The following JAKMIP3 variants were observed in gnomAD, a reference collection of about 807,000 sequenced individuals.
The protein encoded by JAKMIP3 is Janus kinase and microtubule interacting protein 3, also known as janus kinase and microtubule-interacting protein 3.
Under a neutral mutation model 118.5 loss-of-function variants are expected in JAKMIP3, and 58 were observed. The ratio of observed to expected loss-of-function variants is 0.49; its 90% confidence interval spans 0.40 to 0.61. The LOEUF (loss-of-function observed/expected upper bound fraction) is 0.61, where lower values mean the gene tolerates loss of function less well. Ranked by LOEUF, JAKMIP3 falls within the 20% of genes least tolerant of loss-of-function variation. The probability of loss-of-function intolerance (pLI) is 0.00; values close to 1 mark genes in which losing one functional copy is unlikely to be tolerated. For synonymous variants in JAKMIP3, 486 were observed against 451.2 expected (o/e 1.08, Z -0.98); for missense variants, 950 against 1,109.0 (o/e 0.86, Z 2.04).
chr10:132,102,419 C>T (rs1326530713), intron 1 of JAKMIP3, among the ~76,000 whole-genome samples: 1 of 152,158 alleles, frequency 6.6e-6, no homozygotes, highest in Non-Finnish European at 1.5e-5. Flanking sequence ...CCCTCTGTAC[C>T]CCATGACAGC....
At chr10:132,153,134 G>T (rs2056524546) in intron 17 of JAKMIP3, 111 bp downstream of exon 17, 1 of 834,692 alleles carries the variant, frequency 1.2e-6, no homozygotes, top group Admixed American at 2.1e-5. Context: ...GCCGGGTTTG[G>T]GGGGTCCACT....
chr10:132,105,956 C>T (rs1393713522), intron 2 of JAKMIP3, among the ~76,000 whole-genome samples: 1 of 151,562 alleles, frequency 6.6e-6, no homozygotes, highest in Non-Finnish European at 1.5e-5. Context: ...ACTTATTGAC[C>T]CTCCTGTGAT....
intron 23 of JAKMIP3, among the ~76,000 whole-genome samples, chr10:132,171,952 C>T (rs1404545870): frequency 6.6e-6 from 1 of 152,144 alleles, no homozygotes; most frequent in Non-Finnish European, 1.5e-5. Flanking sequence ...CTGCGCCCGG[C>T]CTGTCCCTGT....
chr10:132,149,932 C>A, intron 15 of JAKMIP3, 50 bp from the exon 16 acceptor site: 1 of 790,172 alleles, frequency 1.3e-6, no homozygotes, highest in Non-Finnish European at 1.8e-6. Context: ...TTCCCCACCC[C>A]CTCTGCCCAC....
chr10:132,180,540 TGTGTGCGTGCGTGCATGC>T (rs1220812249), intron 23 of JAKMIP3, among the ~76,000 whole-genome samples: 2 of 32,694 alleles, frequency 6.1e-5, no homozygotes, highest in African/African-American at 3.3e-4. Flanking sequence ...TGTGTGTGTG[TGTGTGCGTGCGTGCATGC>T]GTGTGTGTGC....
chr10:132,182,874 T>A lies in JAKMIP3; in HGVS notation c.*1621T>A, dbSNP rs144230968. The A allele has an allele frequency of 3.3e-5, 5 of 152,320 alleles. No individual in the cohort carries two copies. The highest frequency in any genetic ancestry group is 9.6e-5 in the African/African-American group (4 of 41,560). The allele number at this position is 152,320 out of a possible 1,614,324, so 9.4% of individuals were successfully genotyped here. On this transcript the variant is annotated 3_prime_UTR_variant, in exon 24 of 24. Transcript: ENST00000684848. ...AAAAGCTAATAGTATCAGACAGATA[T>A]GCTTTTTCTTTGGTGGCTGCAGGAT...
In JAKMIP3 at chr10:132,044,648, G is replaced by A. The variant is rs978405247; in HGVS notation, c.-138+7910G>A. On this transcript the variant is annotated intron_variant, in intron 1 of 23. Coordinates refer to the JAKMIP3 transcript ENST00000657785. This position sits in a 1 kb window ranked among gnomAD's most constrained non-coding sequence, Gnocchi z 5.3. Reference sequence around the variant, plus strand: ...GCAGCAGGACGCCACCACATGCTGCGCTCAGGATGGAGGTTTTGTTTTAAA... The same window carrying A: ...GCAGCAGGACGCCACCACATGCTGCACTCAGGATGGAGGTTTTGTTTTAAA... 2.6e-5 allele frequency among the ~76,000 whole-genome samples: 4 copies of A among 152,060 alleles called. No individual in the cohort carries two copies. The highest frequency in any genetic ancestry group is 6.6e-5 in the Admixed American group (1 of 15,240).
intron 3 of JAKMIP3, among the ~76,000 whole-genome samples, chr10:132,127,573 C>T (rs748607044): frequency 1.3e-5 from 2 of 152,102 alleles, no homozygotes; most frequent in African/African-American, 2.4e-5. Context: ...GACTTTTCAT[C>T]GGAGCTTCTT....
intron 16 of JAKMIP3, among the ~76,000 whole-genome samples, 183 bp from the exon 17 acceptor site, chr10:132,152,775 G>C (rs149931975): frequency 4.0e-4 from 61 of 152,302 alleles, no homozygotes; most frequent in African/African-American, 1.4e-3. Flanking sequence ...GAGGGAACAA[G>C]CTCAAGTCAA....
At chr10:132,074,884 C>A (rs2040531298) in intron 1 of JAKMIP3, among the ~76,000 whole-genome samples, 1 of 152,124 alleles carries the variant, frequency 6.6e-6, no homozygotes, top group South Asian at 2.1e-4. Context: ...CAGTTTCATT[C>A]TTCTGAATTA....
At chr10:132,064,841 C>T (rs11146142), upstream of JAKMIP3, among the ~76,000 whole-genome samples, 85,096 of 151,950 alleles carry the variant, frequency 0.56, 24,570 homozygotes, top group East Asian at 0.69. The surrounding 1 kb of genome is among the most constrained non-coding windows in gnomAD (Gnocchi z 4.4). Flanking sequence ...ATGTTATCAT[C>T]GGCGTTCACT....
Position 132,127,392 on chromosome 10 carries a change from TTGTGTGTGTG to T in JAKMIP3, c.634-5903_634-5894del, listed in dbSNP as rs145559558. On this transcript the variant is annotated intron_variant, in intron 3 of 23. Coordinates refer to ENST00000684848, the MANE Select transcript of JAKMIP3 (RefSeq NM_001323087.2). ...TGTGCGCCACCATGCCTGGCTAATTTTGTGTGTGTGTGTGTGTGTGTGTGTGCGTGTGTGT... is the reference window on the plus strand; with the variant it reads ...TGTGCGCCACCATGCCTGGCTAATTTTGTGTGTGTGTGTGTGCGTGTGTGT... Among the ~76,000 whole-genome samples the T allele has an allele frequency of 1.4e-3, 208 of 146,970 alleles. 1 individual carries two copies. The highest frequency in any genetic ancestry group is 2.5e-3 in the Non-Finnish European group (164 of 66,740).
intron 6 of JAKMIP3, 44 bp from the exon 7 acceptor site, chr10:132,136,975 C>A: frequency 1.3e-6 from 2 of 1,597,840 alleles, no homozygotes; most frequent in Non-Finnish European, 1.7e-6. Flanking sequence ...TCAGCCAGAC[C>A]CCTTCACTCC....
At position 132,137,711 on chromosome 10, in the gene JAKMIP3, T is replaced by G. The variant is rs1297570253; in HGVS notation, c.1285-408T>G. 2.0e-5 allele frequency among the ~76,000 whole-genome samples: 3 copies of G among 152,164 alleles called. No homozygotes were observed. The East Asian group carries it at 5.8e-4, about 29-fold the overall frequency. Reference sequence around the variant, plus strand: ...CCCGGAGAGCAGCAGGACCCTGGTCTCCTTAGTATTTTAAGGGCGCCAGTC... The same window carrying G: ...CCCGGAGAGCAGCAGGACCCTGGTCGCCTTAGTATTTTAAGGGCGCCAGTC... On this transcript the variant is annotated intron_variant, in intron 8 of 23. Transcript: ENST00000684848.
At position 132,184,292 on chromosome 10, in the gene JAKMIP3, GAGT is replaced by G. The variant is rs2061687531; in HGVS notation, c.*3040_*3042del. The G allele has an allele frequency of 1.3e-5, 2 of 152,142 alleles. No homozygotes were observed. Among genetic ancestry groups the G allele is most frequent in the Non-Finnish European group, 2.9e-5 (2 of 68,032 alleles). 9.4% of individuals were successfully genotyped at this position (152,142 alleles called of 1,614,324 possible). A position where few individuals can be genotyped will look rare whatever the true frequency, so the allele number is the denominator to read the frequency against. On this transcript the variant is annotated 3_prime_UTR_variant, in exon 24 of 24. Transcript: ENST00000684848. ...GAATCTGTAGCCTTCAGGATACCCC[GAGT>G]GCCTTACAGGGCTTGTGAACACCGA...
At chr10:132,123,620 C>T (rs1033508028) in intron 3 of JAKMIP3, among the ~76,000 whole-genome samples, 7 of 152,110 alleles carry the variant, frequency 4.6e-5, no homozygotes, top group Admixed American at 3.9e-4. Context: ...GGTAAGTGAC[C>T]GAGAGCTTGT....
At chr10:132,063,683 C>T (rs1368775004), upstream of JAKMIP3, among the ~76,000 whole-genome samples, 3 of 152,218 alleles carry the variant, frequency 2.0e-5, no homozygotes, top group African/African-American at 7.2e-5. Context: ...GCAAGGGGCA[C>T]GTTTACTGCA....
Position 132,117,307 on chromosome 10 carries a change from C to G in JAKMIP3, c.366C>G (p.Ala122=). 6.2e-7 allele frequency: 1 copy of G among 1,613,934 alleles called. No individual in the cohort carries two copies. The highest frequency in any genetic ancestry group is 8.5e-7 in the Non-Finnish European group (1 of 1,179,880). The change falls in exon 3 of 24, where the codon GCC becomes GCG. Residue 122 remains alanine, a synonymous_variant. Transcript: ENST00000684848. This position sits in a 1 kb window ranked among gnomAD's most constrained non-coding sequence, Gnocchi z 8.6. ...AGCGGCTGCAGGCACTGCTCAGTGC[C>G]CTGCGTGATGGCGGCCCCGAAAAGG... The part of the protein sequence containing the change: ...ENQRLQALLS[A]LRDGGPEKVK...
intron 16 of JAKMIP3, among the ~76,000 whole-genome samples, chr10:132,152,254 G>A (rs1241194401): frequency 1.3e-5 from 2 of 152,358 alleles, no homozygotes; most frequent in South Asian, 2.1e-4. Flanking sequence ...CCTGCTGTTA[G>A]GGAGCTTGCA....
Sources: gnomAD v4.1 joint callset for allele counts (sites outside exome capture counted in the v4.1 genomes callset) on GRCh38, gnomAD v4.1.1 for gene constraint, Gnocchi (gnomAD v3.1) non-coding constraint, MANE v1.5 for transcripts, NCBI Gene and HGNC (gene_info 2026-07-23, HGNC 2026-07-21) for gene names.